Variants in AHI1 observed in about 807,000 individuals in gnomAD.
AHI1 encodes jouberin.
A neutral mutation model predicts 149.3 loss-of-function variants in AHI1; 123 were observed. The observed-to-expected ratio is 0.82, with a 90% CI of 0.71 to 0.96. The LOEUF (loss-of-function observed/expected upper bound fraction) is 0.96, where lower values mean the gene tolerates loss of function less well. Among genes scored for constraint, AHI1 ranks in the 40% least tolerant of loss-of-function variants. The pLI, the probability that AHI1 is intolerant of heterozygous loss-of-function variation, is 0.00. For missense variants in AHI1, 1,439 were observed against 1,422.7 expected (o/e 1.01, Z -0.18); for synonymous variants, 475 against 459.8 (o/e 1.03, Z -0.42).
chr6:135,433,099 C>A lies in AHI1; in HGVS notation c.2194G>T (p.Asp732Tyr), dbSNP rs200697251. 11 of 1,613,616 alleles carry A rather than the reference C, an allele frequency of 6.8e-6. No individual in the cohort carries two copies. Among genetic ancestry groups the A allele is most frequent in the East Asian group, 4.5e-5 (2 of 44,820 alleles). The stretch of plus-strand genomic sequence containing the variant: ...AACTGTCGGACCAATATGGCAGAAT[C>A]TTCTCTCATCTCAACTTTCCATATC... ...IRIWKVEMRE[D>Y]SAILVRQFDV... Residue 732 changes from aspartate (D) to tyrosine (Y), a missense_variant, in exon 16 of 29, where the codon GAT becomes TAT. Coordinates refer to ENST00000265602, the MANE Select transcript of AHI1 (RefSeq NM_001134831.2).
chr6:135,431,999 CTTTT>C (rs199839132), intron 16 of AHI1, among the ~76,000 whole-genome samples: 44 of 132,790 alleles, frequency 3.3e-4, no homozygotes, highest in Admixed American at 4.5e-4. Context: ...GACCAATTTC[CTTTT>C]TTTTTTTTTT....
intron 26 of AHI1, among the ~76,000 whole-genome samples, chr6:135,304,697 G>A (rs1346528631): frequency 6.6e-6 from 1 of 152,180 alleles, no homozygotes; most frequent in Admixed American, 6.5e-5. Context: ...CTTGAACCCA[G>A]GAGGCGGAGG....
intron 17 of AHI1, among the ~76,000 whole-genome samples, chr6:135,430,474 A>G (rs751472923): frequency 2.0e-5 from 3 of 151,942 alleles, no homozygotes; most frequent in Non-Finnish European, 4.4e-5. Flanking sequence ...ATTTAACTAA[A>G]ATTCATGGAA....
chr6:135,441,548 C>G (rs1169395639), intron 14 of AHI1, among the ~76,000 whole-genome samples: 1 of 149,350 alleles, frequency 6.7e-6, no homozygotes, highest in Non-Finnish European at 1.5e-5. Flanking sequence ...TCTTCCTCCT[C>G]TATTTTTGAG....
chr6:135,468,012 C>T (rs1234072499), intron 5 of AHI1, among the ~76,000 whole-genome samples: 2 of 152,120 alleles, frequency 1.3e-5, no homozygotes, highest in African/African-American at 4.8e-5. Context: ...GGGGTTTGAT[C>T]TTTGAAACTC....
chr6:135,489,539 T>A (rs943072930), intron 5 of AHI1, among the ~76,000 whole-genome samples: 2 of 152,126 alleles, frequency 1.3e-5, no homozygotes, highest in African/African-American at 2.4e-5. Flanking sequence ...CATATATCAA[T>A]AAGCAATGTT....
intron 5 of AHI1, among the ~76,000 whole-genome samples, chr6:135,484,468 G>A (rs1794180486): frequency 6.6e-6 from 1 of 151,750 alleles, no homozygotes; most frequent in Admixed American, 6.6e-5. Flanking sequence ...ATTTTCTCTT[G>A]TATCTGGTTT....
At chr6:135,406,560 T>C (rs1390883357) in intron 21 of AHI1, among the ~76,000 whole-genome samples, 1 of 152,232 alleles carries the variant, frequency 6.6e-6, no homozygotes, top group Non-Finnish European at 1.5e-5. Context: ...GTGCCAGAAA[T>C]ATATCAATTA....
intron 23 of AHI1, among the ~76,000 whole-genome samples, chr6:135,367,723 C>G (rs896930404): frequency 2.6e-5 from 4 of 151,814 alleles, no homozygotes; most frequent in Non-Finnish European, 5.9e-5. Flanking sequence ...TTTTTTCATG[C>G]TGCTTCTCTG....
intron 15 of AHI1, among the ~76,000 whole-genome samples, chr6:135,436,288 G>A (rs1785389467): frequency 6.6e-6 from 1 of 152,156 alleles, no homozygotes; most frequent in Non-Finnish European, 1.5e-5. Flanking sequence ...GTAATAAAAA[G>A]AGAAGAGAAG....
chr6:135,317,497 G>A (rs1237149666), intron 26 of AHI1, among the ~76,000 whole-genome samples: 1 of 148,830 alleles, frequency 6.7e-6, no homozygotes, highest in Admixed American at 6.8e-5. Flanking sequence ...TCCTCCTTGG[G>A]AACTCTTCAT....
intron 26 of AHI1, among the ~76,000 whole-genome samples, chr6:135,312,860 A>T (rs1166463573): frequency 6.6e-6 from 1 of 152,226 alleles, no homozygotes; most frequent in East Asian, 1.9e-4. Flanking sequence ...TAATTCTATG[A>T]ACTTAGATGC....
In AHI1 at chr6:135,447,129, A is replaced by G; in HGVS notation, c.1658T>C (p.Leu553Pro). The G allele has an allele frequency of 6.2e-7, 1 of 1,607,172 alleles. No individual in the cohort carries two copies. The highest frequency in any genetic ancestry group is 8.5e-7 in the Non-Finnish European group (1 of 1,176,776). Residue 553 changes from leucine (L) to proline (P), a missense_variant, in exon 13 of 29, where the codon CTT becomes CCT. By Grantham distance (98) the Leu-to-Pro change is moderately conservative (BLOSUM62 -3). Coordinates refer to ENST00000265602, the MANE Select transcript of AHI1 (RefSeq NM_001134831.2). Reference sequence around the variant, plus strand: ...CACTGGTTTACCTTTTTCCTCCTGAAGAGCCATCATAGAGCGGTAAGATGG... The same window carrying G: ...CACTGGTTTACCTTTTTCCTCCTGAGGAGCCATCATAGAGCGGTAAGATGG... ...IKPSYRSMMA[L>P]QEEKGKPVHC...
chr6:135,344,926 T>TCACACACACACACACA lies in AHI1; in HGVS notation c.3165+13190_3165+13205dup, dbSNP rs59084001. Among the ~76,000 whole-genome samples the TCACACACACACACACA allele has an allele frequency of 4.0e-3, 583 of 145,790 alleles. 5 individuals are homozygous for TCACACACACACACACA. The highest frequency in any genetic ancestry group is 5.6e-3 in the Non-Finnish European group (372 of 66,354). On this transcript the variant is annotated intron_variant, in intron 24 of 28. Transcript: ENST00000265602. ...TCAGTTTATTGAAATAAGCTCTGAT[T>TCACACACACACACACA]CACACACACACACACACACACACAC...
chr6:135,392,853 C>T (rs1166675026), intron 23 of AHI1, among the ~76,000 whole-genome samples: 1 of 152,140 alleles, frequency 6.6e-6, no homozygotes, highest in Non-Finnish European at 1.5e-5. Flanking sequence ...TGAAAACTAG[C>T]TCACCTGGTT....
intron 26 of AHI1, among the ~76,000 whole-genome samples, chr6:135,312,133 G>A (rs1785288574): frequency 6.6e-6 from 1 of 152,194 alleles, no homozygotes; most frequent in Non-Finnish European, 1.5e-5. Flanking sequence ...GAAAATGATT[G>A]AGGTTTGTTT....
Position 135,466,017 on chromosome 6 carries a change from T to C in AHI1, c.546A>G (p.Leu182=). The change falls in exon 7 of 29, where the codon TTA becomes TTG. Residue 182 remains leucine (L), a synonymous_variant. Coordinates refer to ENST00000265602, the MANE Select transcript of AHI1 (RefSeq NM_001134831.2). ...KANEGREETD[L]EEDEELMQAY... Reference sequence around the variant, plus strand: ...CTTGCATCAATTCTTCATCCTCTTCTAAATCAGTCTCTTCTCTTCCCTCAT... The same window carrying C: ...CTTGCATCAATTCTTCATCCTCTTCCAAATCAGTCTCTTCTCTTCCCTCAT... The C allele has an allele frequency of 6.2e-7, 1 of 1,614,010 alleles. No homozygotes were observed. Among genetic ancestry groups the C allele is most frequent in the Non-Finnish European group, 8.5e-7 (1 of 1,179,878 alleles).
intron 28 of AHI1, among the ~76,000 whole-genome samples, chr6:135,289,066 T>G (rs1446952964): frequency 6.6e-6 from 1 of 151,256 alleles, no homozygotes; most frequent in Non-Finnish European, 1.5e-5. Context: ...ACATTTTTCA[T>G]ATGTCTGTTG....
In AHI1 at chr6:135,293,515, G is replaced by A. The variant is rs565790178; in HGVS notation, c.3486-2990C>T. Among the ~76,000 whole-genome samples the A allele has an allele frequency of 2.4e-4, 36 of 148,244 alleles. No individual in the cohort carries two copies. In the South Asian group the frequency reaches 7.2e-3, roughly 30 times the overall value. On this transcript the variant is annotated intron_variant, in intron 27 of 28. Coordinates refer to ENST00000265602, the MANE Select transcript of AHI1 (RefSeq NM_001134831.2). ...ATTGTCTGTCTACACAGAATATCTC[G>A]TGGAATCCACTAAAAGCTATTACAA...
Sources: gnomAD v4.1 joint callset for allele counts (sites outside exome capture counted in the v4.1 genomes callset) on GRCh38, gnomAD v4.1.1 for gene constraint, MANE v1.5 for transcripts, NCBI Gene and HGNC (gene_info 2026-07-23, HGNC 2026-07-21) for gene names.